The following DDX19B variants were observed in gnomAD, a reference collection of about 807,000 sequenced individuals.
DDX19B encodes DEAD-box helicase 19B, also known as ATP-dependent RNA helicase DDX19B.
Under a neutral mutation model 58.1 loss-of-function variants are expected in DDX19B, and 27 were observed. The observed-to-expected ratio is 0.46, with a 90% CI of 0.34 to 0.64. The LOEUF (loss-of-function observed/expected upper bound fraction) is 0.64, where lower values mean the gene tolerates loss of function less well. Among genes scored for constraint, DDX19B ranks in the 30% least tolerant of loss-of-function variants. DDX19B has a pLI of 0.01. For missense variants in DDX19B, 399 were observed against 596.5 expected (o/e 0.67, Z 3.45); for synonymous variants, 187 against 214.4 (o/e 0.87, Z 1.12).
chr16:70,291,359 C>CT (rs1961056569), upstream of DDX19B, among the ~76,000 whole-genome samples: 2 of 152,132 alleles, frequency 1.3e-5, no homozygotes, highest in Non-Finnish European at 2.9e-5. Context: ...AGTCAGACTT[C>CT]TAAGCCACCA....
chr16:70,298,020 A>G (rs1961293375), upstream of DDX19B, among the ~76,000 whole-genome samples: 1 of 152,168 alleles, frequency 6.6e-6, no homozygotes, highest in Non-Finnish European at 1.5e-5. Flanking sequence ...TGCCTGGCCA[A>G]TCCTGGCACT....
At position 70,312,428 on chromosome 16, in the gene DDX19B, GA is replaced by G. The variant is rs758289755; in HGVS notation, c.58-178del. Among the ~76,000 whole-genome samples the G allele has an allele frequency of 1.7e-4, 26 of 152,284 alleles. 1 individual carries two copies. The South Asian group carries it at 1.9e-3, about 11-fold the overall frequency. ...TTTTTTTCCACCGATGTATTTACGG[GA>G]AATTTTGTTTATTCTCATCAGACAT... On this transcript the variant is annotated intron_variant, in intron 1 of 11. Transcript: ENST00000288071.
intron 7 of DDX19B, among the ~76,000 whole-genome samples, chr16:70,328,846 C>T (rs1963317339): frequency 6.6e-6 from 1 of 151,898 alleles, no homozygotes; most frequent in South Asian, 2.1e-4. Flanking sequence ...TATATTAATG[C>T]AAACAGCAAA....
In DDX19B at chr16:70,314,651, G is replaced by A. The variant is rs556370418; in HGVS notation, c.107-251G>A. 2.6e-5 allele frequency among the ~76,000 whole-genome samples: 4 copies of A among 152,044 alleles called. No homozygotes were observed. In the South Asian group the frequency reaches 6.2e-4, roughly 24 times the overall value. Reference sequence around the variant, plus strand: ...TGCACTCCAGCCTGGGCGACAGAGCGAGACTCCATCTCAAAAATAAATAAA... The same window carrying A: ...TGCACTCCAGCCTGGGCGACAGAGCAAGACTCCATCTCAAAAATAAATAAA... On this transcript the variant is annotated intron_variant, in intron 2 of 11. Coordinates refer to ENST00000288071, the MANE Select transcript of DDX19B (RefSeq NM_007242.7).
upstream of DDX19B, among the ~76,000 whole-genome samples, chr16:70,297,263 A>G (rs1961260024): frequency 6.6e-6 from 1 of 151,692 alleles, no homozygotes; most frequent in African/African-American, 2.4e-5. Context: ...CCCAGGCTGC[A>G]GTGTGATGGC....
chr16:70,299,086 G>A (rs1961337159), upstream of DDX19B: 1 of 1,260,414 alleles, frequency 7.9e-7, no homozygotes, highest in Non-Finnish European at 1.0e-6. Flanking sequence ...GGGTTGAGGG[G>A]TACGGGTCTG....
Position 70,314,633 on chromosome 16 carries a change from C to G in DDX19B, c.107-269C>G, listed in dbSNP as rs764756772. On this transcript the variant is annotated intron_variant, in intron 2 of 11. Coordinates refer to ENST00000288071, the MANE Select transcript of DDX19B (RefSeq NM_007242.7). ...GAGTTGAGATCGCACCACTGCACTCCAGCCTGGGCGACAGAGCGAGACTCC... is the reference window on the plus strand; with the variant it reads ...GAGTTGAGATCGCACCACTGCACTCGAGCCTGGGCGACAGAGCGAGACTCC... Among the ~76,000 whole-genome samples, 7 of 151,950 alleles carry G rather than the reference C, an allele frequency of 4.6e-5. No individual in the cohort carries two copies. In the South Asian group the frequency reaches 1.2e-3, roughly 27 times the overall value.
At chr16:70,318,947 A>G (rs1487936067) in intron 5 of DDX19B, among the ~76,000 whole-genome samples, 2 of 151,704 alleles carry the variant, frequency 1.3e-5, no homozygotes, top group Non-Finnish European at 2.9e-5. Context: ...TACTAAAAAT[A>G]CAAAAAATTA....
chr16:70,314,506 CA>C (rs908072455), intron 2 of DDX19B, among the ~76,000 whole-genome samples: 63 of 151,366 alleles, frequency 4.2e-4, no homozygotes, highest in African/African-American at 1.5e-3. Context: ...ACTAAAAATA[CA>C]AAAAAAATTA....
At chr16:70,311,365 G>A (rs1962087044) in intron 1 of DDX19B, among the ~76,000 whole-genome samples, 1 of 152,122 alleles carries the variant, frequency 6.6e-6, no homozygotes, top group African/African-American at 2.4e-5. Flanking sequence ...AGGTGACAGA[G>A]CAAGACTCTG....
At chr16:70,291,743 G>A (rs776555572), upstream of DDX19B, among the ~76,000 whole-genome samples, 15 of 151,370 alleles carry the variant, frequency 9.9e-5, no homozygotes, top group Admixed American at 2.6e-4. Context: ...CCCGGGAGGC[G>A]GAGCTAGCAG....
intron 2 of DDX19B, among the ~76,000 whole-genome samples, chr16:70,314,560 A>C (rs2152197449): frequency 6.6e-6 from 1 of 152,136 alleles, no homozygotes. Context: ...GCTACTCGGG[A>C]GGCTGAGGCA....
upstream of DDX19B, among the ~76,000 whole-genome samples, chr16:70,293,635 C>T (rs1440931785): frequency 1.2e-5 from 1 of 84,652 alleles, no homozygotes; most frequent in Non-Finnish European, 2.0e-5. Context: ...GACGGAGTCT[C>T]GCTCTGTCGC....
chr16:70,289,953 A>G (rs1023647667), upstream of DDX19B: 6 of 334,772 alleles, frequency 1.8e-5, no homozygotes, highest in African/African-American at 1.1e-4. Flanking sequence ...CCATGGTTAC[A>G]CTTGTCCGGG....
intron 1 of DDX19B, among the ~76,000 whole-genome samples, chr16:70,305,187 T>C (rs1961692546): frequency 6.6e-6 from 1 of 152,190 alleles, no homozygotes; most frequent in Admixed American, 6.6e-5. Context: ...CTGAGAACTT[T>C]CCTCCCGGTC....
chr16:70,314,966 C>T lies in DDX19B; in HGVS notation c.160+11C>T, dbSNP rs745352011. The T allele has an allele frequency of 6.8e-6, 11 of 1,606,400 alleles. No individual in the cohort carries two copies. Among genetic ancestry groups the T allele is most frequent in the Admixed American group, 5.0e-5 (3 of 59,746 alleles). On this transcript the variant is annotated intron_variant, in intron 3 of 11. Coordinates refer to ENST00000288071, the MANE Select transcript of DDX19B (RefSeq NM_007242.7). Reference sequence around the variant, plus strand: ...ATGAAGAAGAGAAAGGTAACACAGCCGTGGAGCTTTATATAATAACAAGCT... The same window carrying T: ...ATGAAGAAGAGAAAGGTAACACAGCTGTGGAGCTTTATATAATAACAAGCT...
chr16:70,308,022 G>A lies in DDX19B; in HGVS notation c.58-4587G>A, dbSNP rs571160065. 1.3e-4 allele frequency among the ~76,000 whole-genome samples: 20 copies of A among 151,092 alleles called. 1 individual carries two copies. The highest frequency in any genetic ancestry group is 4.0e-4 in the Admixed American group (6 of 15,110). The stretch of plus-strand genomic sequence containing the variant: ...GGCTGGAGTGCAGTGGCACCATGTC[G>A]GCTCACTGCAACCTCTGTCTCCTGG... On this transcript the variant is annotated intron_variant, in intron 1 of 11. Transcript: ENST00000288071.
chr16:70,311,754 G>C (rs191510129), intron 1 of DDX19B, among the ~76,000 whole-genome samples: 214 of 152,306 alleles, frequency 1.4e-3, no homozygotes, highest in African/African-American at 4.8e-3. Context: ...TGAATGTGAG[G>C]CTGCACATCA....
intron 1 of DDX19B, among the ~76,000 whole-genome samples, chr16:70,303,580 G>C (rs1339212325): frequency 6.6e-6 from 1 of 151,990 alleles, no homozygotes; most frequent in Non-Finnish European, 1.5e-5. Context: ...TTTTTGAGAC[G>C]GAGGCTTGCT....
Sources: gnomAD v4.1 joint callset for allele counts (sites outside exome capture counted in the v4.1 genomes callset) on GRCh38, gnomAD v4.1.1 for gene constraint, MANE v1.5 for transcripts, NCBI Gene and HGNC (gene_info 2026-07-23, HGNC 2026-07-21) for gene names.